The following INPP4B variants were observed in gnomAD, a reference collection of about 807,000 sequenced individuals.
INPP4B encodes inositol polyphosphate-4-phosphatase type II B.
In INPP4B, 55 loss-of-function variants were observed where a neutral mutation model predicts 122.5. That is an observed-to-expected ratio of 0.45 (90% CI 0.36 to 0.56). The LOEUF is 0.56. INPP4B is among the 20% of genes least tolerant of loss of function. The probability of loss-of-function intolerance (pLI) is 0.00; values close to 1 mark genes in which losing one functional copy is unlikely to be tolerated. For missense variants in INPP4B, 1,000 were observed against 1,097.7 expected, an observed-to-expected ratio of 0.91 and a Z score of 1.26; for synonymous variants, 403 against 388.7, an observed-to-expected ratio of 1.04 and a Z score of -0.43.
In INPP4B at chr4:142,160,514, A is replaced by G; in HGVS notation, c.1407T>C (p.Ala469=). 1.9e-6 allele frequency: 3 copies of G among 1,610,078 alleles called. No homozygotes were observed. The highest frequency in any genetic ancestry group is 2.5e-6 in the Non-Finnish European group (3 of 1,177,240). The part of the protein sequence containing the change: ...HAFKDQLVRS[A]LLALYTARPG... ...GCCTTGCAGTGTAGAGTGCTAAAAG[A>G]GCACTCCTGACAAGTTGATCCTTGA... Residue 469 remains alanine (A), a synonymous_variant, in exon 17 of 26, where the codon GCT becomes GCC. Transcript: ENST00000262992.
intron 8 of INPP4B, among the ~76,000 whole-genome samples, chr4:142,310,989 G>A (rs1381580917): frequency 6.6e-6 from 1 of 152,006 alleles, no homozygotes; most frequent in Admixed American, 6.6e-5. Flanking sequence ...AATTCTGTTT[G>A]AGAATGCAAA....
At chr4:142,483,985 T>TA (rs766390204) in intron 2 of INPP4B, among the ~76,000 whole-genome samples, 36 of 151,078 alleles carry the variant, frequency 2.4e-4, no homozygotes, top group South Asian at 4.2e-4. Context: ...AATGCAAAAA[T>TA]AAAAAAAAAC....
intron 9 of INPP4B, among the ~76,000 whole-genome samples, chr4:142,299,860 C>G (rs1760644713): frequency 1.3e-5 from 2 of 151,566 alleles, no homozygotes; most frequent in Admixed American, 6.6e-5. Context: ...GCCAAATACA[C>G]ATGACTATTA....
At chr4:142,659,090 A>T (rs1265653417) in intron 2 of INPP4B, among the ~76,000 whole-genome samples, 1 of 150,722 alleles carries the variant, frequency 6.6e-6, no homozygotes, top group Non-Finnish European at 1.5e-5. Context: ...CAGTCCTATA[A>T]TTTTTTTTTT....
chr4:142,491,637 A>G (rs1380569557), intron 2 of INPP4B, among the ~76,000 whole-genome samples: 1 of 152,216 alleles, frequency 6.6e-6, no homozygotes, highest in Non-Finnish European at 1.5e-5. Context: ...AGCCTGGGCA[A>G]CAGAGTGAGA....
At chr4:142,579,479 C>T (rs181729564) in intron 2 of INPP4B, among the ~76,000 whole-genome samples, 65 of 152,084 alleles carry the variant, frequency 4.3e-4, no homozygotes, top group African/African-American at 1.4e-3. Context: ...CTGGGTGTTT[C>T]TATACAGCTG....
intron 23 of INPP4B, among the ~76,000 whole-genome samples, chr4:142,095,089 C>T (rs1050892529): frequency 3.3e-5 from 5 of 152,148 alleles, no homozygotes; most frequent in East Asian, 3.9e-4. Flanking sequence ...TGTGCTCACA[C>T]TGTTATTTTC....
chr4:142,127,493 G>C (rs1029446313), intron 18 of INPP4B, among the ~76,000 whole-genome samples: 1 of 151,622 alleles, frequency 6.6e-6, no homozygotes, highest in Non-Finnish European at 1.5e-5. Flanking sequence ...AAACAAGTCT[G>C]GTTTCCAGTT....
intron 1 of INPP4B, among the ~76,000 whole-genome samples, chr4:142,784,902 T>TA (rs1368314230): frequency 6.6e-6 from 1 of 152,004 alleles, no homozygotes; most frequent in East Asian, 1.9e-4. Flanking sequence ...CTGTCTCACT[T>TA]ACAGCGATAA....
intron 7 of INPP4B, among the ~76,000 whole-genome samples, chr4:142,368,021 C>G (rs1262067735): frequency 6.6e-6 from 1 of 152,134 alleles, no homozygotes; most frequent in African/African-American, 2.4e-5. Flanking sequence ...ATCCAAAAGG[C>G]TCACCGTTGC....
Position 142,027,564 on chromosome 4 carries a change from T to G in INPP4B, c.*1218A>C, listed in dbSNP as rs1737392362. On this transcript the variant is annotated 3_prime_UTR_variant, in exon 26 of 26. Transcript: ENST00000262992. ...AACTAGCATTCTCCCTCAATTTTCA[T>G]GCATATTTAGCATGGCAATTTGGAG... is the stretch of plus-strand genomic sequence containing the variant. The G allele has an allele frequency of 6.6e-6, 1 of 152,200 alleles. No individual in the cohort carries two copies. Among genetic ancestry groups the G allele is most frequent in the Non-Finnish European group, 1.5e-5 (1 of 68,036 alleles). 9.4% of individuals were successfully genotyped at this position (152,200 alleles called of 1,614,324 possible). A position where few individuals can be genotyped will look rare whatever the true frequency, so the allele number is the denominator to read the frequency against.
chr4:142,586,338 C>A (rs1194990691), intron 2 of INPP4B, among the ~76,000 whole-genome samples: 5 of 151,846 alleles, frequency 3.3e-5, no homozygotes, highest in Non-Finnish European at 7.4e-5. Flanking sequence ...ACAAAAACAA[C>A]AACAACAACG....
chr4:142,398,401 A>AAAAAAATAT (rs1800278058), intron 7 of INPP4B, among the ~76,000 whole-genome samples: 1 of 28,510 alleles, frequency 3.5e-5, no homozygotes, highest in African/African-American at 1.2e-4. Context: ...AAAAAAAAAA[A>AAAAAAATAT]ATATATATAT....
At chr4:142,040,566 CA>C (rs1746792836) in intron 25 of INPP4B, among the ~76,000 whole-genome samples, 1 of 151,970 alleles carries the variant, frequency 6.6e-6, no homozygotes, top group African/African-American at 2.4e-5. Context: ...AATGAAACAA[CA>C]AAAATACATA....
At chr4:142,821,013 T>C (rs1780736815) in intron 1 of INPP4B, among the ~76,000 whole-genome samples, 1 of 152,178 alleles carries the variant, frequency 6.6e-6, no homozygotes, top group Non-Finnish European at 1.5e-5. Context: ...ATTACAACTT[T>C]ATACTGGTTA....
chr4:142,023,576 T>G lies in INPP4B; in HGVS notation c.*5206A>C, dbSNP rs1051210418. On this transcript the variant is annotated 3_prime_UTR_variant, in exon 26 of 26. Coordinates refer to ENST00000262992, the MANE Select transcript of INPP4B (RefSeq NM_001101669.3). ...AGTGACATAAAAACATCACAAGAATTATCTAGATAATATAGCAATATTGCC... is the reference window on the plus strand; with the variant it reads ...AGTGACATAAAAACATCACAAGAATGATCTAGATAATATAGCAATATTGCC... The G allele has an allele frequency of 1.3e-5, 2 of 152,278 alleles. No individual in the cohort carries two copies. The highest frequency in any genetic ancestry group is 6.5e-5 in the Admixed American group (1 of 15,290). The allele number at this position is 152,278 out of a possible 1,614,324, so 9.4% of individuals were successfully genotyped here. A position where few individuals can be genotyped will look rare whatever the true frequency, so the allele number is the denominator to read the frequency against.
chr4:142,406,121 A>G (rs1272991287), intron 5 of INPP4B, among the ~76,000 whole-genome samples: 3 of 152,072 alleles, frequency 2.0e-5, no homozygotes, highest in South Asian at 2.1e-4. Context: ...TTTCCTCTCT[A>G]TCCCCGCCAC....
At chr4:142,803,455 C>A (rs983566781) in intron 1 of INPP4B, among the ~76,000 whole-genome samples, 1 of 150,924 alleles carries the variant, frequency 6.6e-6, no homozygotes, top group Admixed American at 6.6e-5. Flanking sequence ...AAGGAAAAAA[C>A]TTCCACAAAG....
At chr4:142,413,874 G>A (rs2149261614) in intron 5 of INPP4B, among the ~76,000 whole-genome samples, 1 of 152,106 alleles carries the variant, frequency 6.6e-6, no homozygotes, top group East Asian at 1.9e-4. Context: ...CATATTCAAT[G>A]GTGATTTAGC....
Sources: gnomAD v4.1 joint callset for allele counts (sites outside exome capture counted in the v4.1 genomes callset) on GRCh38, gnomAD v4.1.1 for gene constraint, MANE v1.5 for transcripts, NCBI Gene and HGNC (gene_info 2026-07-23, HGNC 2026-07-21) for gene names.